The following EEF1E1 variants were observed in gnomAD, a reference collection of about 807,000 sequenced individuals.
EEF1E1 encodes eukaryotic translation elongation factor 1 epsilon-1.
Under a neutral mutation model 19.9 loss-of-function variants are expected in EEF1E1, and 19 were observed. That is an observed-to-expected ratio of 0.95 (90% CI 0.66 to 1.40). The LOEUF (loss-of-function observed/expected upper bound fraction) is 1.40. Among genes scored for constraint, EEF1E1 ranks in the 40% most tolerant of loss-of-function variants. The pLI is 0.00. For synonymous variants in EEF1E1, 81 were observed against 80.0 expected (o/e 1.01, Z -0.07); for missense variants, 198 against 202.2 (o/e 0.98, Z 0.13).
intron 3 of EEF1E1, among the ~76,000 whole-genome samples, chr6:8,088,192 G>A (rs1757916688): frequency 6.6e-6 from 1 of 152,106 alleles, no homozygotes; most frequent in Non-Finnish European, 1.5e-5. Context: ...TGAGTATCAT[G>A]TCATCGTTCA....
chr6:8,094,616 C>A (rs960863308), intron 2 of EEF1E1, among the ~76,000 whole-genome samples: 2 of 151,758 alleles, frequency 1.3e-5, no homozygotes, highest in Admixed American at 1.3e-4. Flanking sequence ...TGGGAATGTG[C>A]TCAAGTATTT....
intron 3 of EEF1E1, among the ~76,000 whole-genome samples, chr6:8,073,818 A>AT (rs200376497): frequency 0.012 from 1,785 of 152,356 alleles, 35 homozygotes; most frequent in African/African-American, 0.041. Context: ...ACAATTGATC[A>AT]TTTGGCACTC....
chr6:8,082,545 C>T (rs1029105071), intron 3 of EEF1E1, among the ~76,000 whole-genome samples: 8 of 152,184 alleles, frequency 5.3e-5, no homozygotes, highest in African/African-American at 1.4e-4. Flanking sequence ...TCCCAAAGTG[C>T]CTGGATTACA....
chr6:8,101,765 C>T (rs1463434000), intron 1 of EEF1E1: 11 of 1,289,182 alleles, frequency 8.5e-6, no homozygotes, highest in Non-Finnish European at 1.1e-5. Context: ...AATCTCATAC[C>T]TTGTGATGTT....
intron 3 of EEF1E1, among the ~76,000 whole-genome samples, chr6:8,084,386 C>T (rs9505357): frequency 0.014 from 2,079 of 152,322 alleles, 33 homozygotes; most frequent in African/African-American, 0.047. Context: ...CTTATTCATT[C>T]TGCTGGCAAA....
chr6:8,073,829 A>C (rs563477700), intron 3 of EEF1E1, among the ~76,000 whole-genome samples: 1 of 152,372 alleles, frequency 6.6e-6, no homozygotes, highest in East Asian at 1.9e-4. Context: ...TTTGGCACTC[A>C]GAAGGCATTT....
intron 2 of EEF1E1, among the ~76,000 whole-genome samples, chr6:8,096,995 G>A (rs983389970): frequency 2.0e-5 from 3 of 152,186 alleles, no homozygotes; most frequent in Non-Finnish European, 4.4e-5. Flanking sequence ...GGGTCCTGAA[G>A]GAAAAGCACA....
downstream of EEF1E1, among the ~76,000 whole-genome samples, chr6:8,076,265 G>C (rs1195206277): frequency 6.6e-6 from 1 of 151,890 alleles, no homozygotes; most frequent in African/African-American, 2.4e-5. Context: ...TACTCCATCA[G>C]AGAAATCACT....
In EEF1E1 at chr6:8,081,189, G is replaced by T. The variant is rs183589437; in HGVS notation, c.385-1159C>A. Among the ~76,000 whole-genome samples, 272 of 152,322 alleles carry T rather than the reference G, an allele frequency of 1.8e-3. 3 individuals are homozygous for T. Among genetic ancestry groups the T allele is most frequent in the African/African-American group, 6.3e-3 (261 of 41,566 alleles). ...GAGAATCTTCACTGCTTCTGTTTCA[G>T]AAAAATTTAAGTTTCAGGTTTTAGT... On this transcript the variant is annotated intron_variant, in intron 3 of 3. Transcript: ENST00000379715.
chr6:8,075,674 G>A (rs1757574102), downstream of EEF1E1, among the ~76,000 whole-genome samples: 1 of 152,162 alleles, frequency 6.6e-6, no homozygotes, highest in South Asian at 2.1e-4. Flanking sequence ...TCAGGGTGGT[G>A]GTTGCTGGAG....
intron 3 of EEF1E1, among the ~76,000 whole-genome samples, chr6:8,080,388 T>C (rs1012731878): frequency 2.6e-5 from 4 of 152,222 alleles, no homozygotes; most frequent in African/African-American, 9.6e-5. Flanking sequence ...TGGTATTCTT[T>C]AGTAAACCTA....
In EEF1E1 at chr6:8,079,395, T is replaced by A; in HGVS notation, c.*495A>T. The A allele has an allele frequency of 1.0e-6, 1 of 988,294 alleles. No individual in the cohort carries two copies. Among genetic ancestry groups the A allele is most frequent in the Non-Finnish European group, 1.2e-6 (1 of 831,324 alleles). The allele number at this position is 988,294 out of a possible 1,614,324, so 61.2% of individuals were successfully genotyped here. ...CAGAAAGAAAGAAACAACGAAAAAA[T>A]ATTTTTTCAACCACATTTACTAGCT... On this transcript the variant is annotated 3_prime_UTR_variant, in exon 4 of 4. Transcript: ENST00000379715.
At position 8,101,225 on chromosome 6, in the gene EEF1E1, C is replaced by CAAA. The variant is rs778878465; in HGVS notation, c.87+1207_87+1209dup. On this transcript the variant is annotated intron_variant, in intron 1 of 3. Coordinates refer to ENST00000379715, the MANE Select transcript of EEF1E1 (RefSeq NM_004280.5). Reference sequence around the variant, plus strand: ...TGGGCGACACAGTGAGACTTTGTCTCAAAAAAAAAAAAAAAAAAATATATA... The same window carrying CAAA: ...TGGGCGACACAGTGAGACTTTGTCTCAAAAAAAAAAAAAAAAAAAAAATATATA... Among the ~76,000 whole-genome samples, 25 of 3,104 alleles carry CAAA rather than the reference C, an allele frequency of 8.1e-3. 5 individuals are homozygous for CAAA. Among genetic ancestry groups the CAAA allele is most frequent in the East Asian group, 0.07 (9 of 128 alleles). 2.0% of individuals were successfully genotyped at this position (3,104 alleles called of 152,430 possible). A position where few individuals can be genotyped will look rare whatever the true frequency, so the allele number is the denominator to read the frequency against.
rs1345470161 is a variant in EEF1E1 at position 8,102,450 on chromosome 6, A to C, written c.72T>G (p.Ala24=). The C allele has an allele frequency of 2.5e-6, 4 of 1,612,102 alleles. No individual in the cohort carries two copies. The highest frequency in any genetic ancestry group is 3.4e-6 in the Non-Finnish European group (4 of 1,179,738). The part of the protein sequence containing the change: ...LGLSKGNKYS[A]QGERQIPVLQ... ...TCCTTCTCACCTGTCGCTCGCCCTG[A>C]GCACTGTATTTATTCCCCTTACTCA... The change falls in exon 1 of 4, where the codon GCT becomes GCG. Residue 24 remains alanine (A), a synonymous_variant. Coordinates refer to ENST00000379715, the MANE Select transcript of EEF1E1 (RefSeq NM_004280.5).
intron 2 of EEF1E1, among the ~76,000 whole-genome samples, chr6:8,093,392 A>AATAC (rs1758078001): frequency 6.8e-6 from 1 of 147,204 alleles, no homozygotes; most frequent in South Asian, 2.1e-4. Flanking sequence ...TTCCCCTACA[A>AATAC]TTCCACCTGA....
At chr6:8,080,173 G>C in intron 3 of EEF1E1, 143 bp from the exon 4 acceptor site, 4 of 874,434 alleles carry the variant, frequency 4.6e-6, no homozygotes, top group Non-Finnish European at 7.0e-6. Flanking sequence ...ATTCAGATAG[G>C]AGTAAAAGTT....
In EEF1E1 at chr6:8,091,430, A is replaced by ATAT. The variant is rs562158775; in HGVS notation, c.289-1152_289-1150dup. Among the ~76,000 whole-genome samples the ATAT allele has an allele frequency of 5.8e-4, 89 of 152,298 alleles. 1 individual carries two copies. Among genetic ancestry groups the ATAT allele is most frequent in the African/African-American group, 2.1e-3 (87 of 41,558 alleles). On this transcript the variant is annotated intron_variant, in intron 2 of 3. Coordinates refer to ENST00000379715, the MANE Select transcript of EEF1E1 (RefSeq NM_004280.5). ...TGTAGGAGTTCTTCACATATTCTGA[A>ATAT]TATTAACCCCTTAACAAACATATGA... is the stretch of plus-strand genomic sequence containing the variant.
intron 3 of EEF1E1, chr6:8,073,589 A>C (rs951363015): frequency 2.0e-6 from 3 of 1,514,748 alleles, no homozygotes; most frequent in Non-Finnish European, 2.7e-6. Flanking sequence ...ATGCTCAATA[A>C]ATGTTATCTA....
downstream of EEF1E1, chr6:8,078,840 T>A: frequency 8.9e-7 from 1 of 1,124,562 alleles, no homozygotes; most frequent in South Asian, 1.9e-5. Flanking sequence ...TAGCATTATC[T>A]TTTTATTTTT....
Sources: allele counts gnomAD v4.1 joint callset (sites outside exome capture counted in the v4.1 genomes callset), GRCh38; gene constraint gnomAD v4.1.1; transcripts MANE v1.5; gene names NCBI Gene and HGNC (gene_info 2026-07-23, HGNC 2026-07-21).